CDS1: variants seen among roughly 807,000 people sequenced by gnomAD.
CDS1 encodes the protein phosphatidate cytidylyltransferase 1.
CDS1 carries 41 observed loss-of-function variants against 62.1 expected under a neutral mutation model. That is an observed-to-expected ratio of 0.66 (90% CI 0.51 to 0.86). CDS1 has a LOEUF of 0.86. CDS1 is among the 40% of genes least tolerant of loss of function. The pLI, the probability that CDS1 is intolerant of heterozygous loss-of-function variation, is 0.00. For missense variants in CDS1, 470 were observed against 550.1 expected (o/e 0.85, Z 1.46); for synonymous variants, 185 against 192.6 (o/e 0.96, Z 0.32).
At chr4:84,588,906 T>A (rs1380328208) in intron 1 of CDS1, among the ~76,000 whole-genome samples, 1 of 152,202 alleles carries the variant, frequency 6.6e-6, no homozygotes, top group Non-Finnish European at 1.5e-5. Flanking sequence ...ACTTGTGACC[T>A]TTTATTAGTT....
chr4:84,635,011 A>C (rs1417305096), intron 7 of CDS1, among the ~76,000 whole-genome samples: 1 of 151,724 alleles, frequency 6.6e-6, no homozygotes, highest in African/African-American at 2.4e-5. Flanking sequence ...TAACTGTAGA[A>C]ATCAATAATT....
At chr4:84,623,902 T>C (rs987357197) in intron 5 of CDS1, among the ~76,000 whole-genome samples, 1 of 152,008 alleles carries the variant, frequency 6.6e-6, no homozygotes. Context: ...GGCCCCTCCA[T>C]GTGGCTTGGA....
intron 1 of CDS1, among the ~76,000 whole-genome samples, chr4:84,587,347 A>G (rs1444562896): frequency 6.6e-6 from 1 of 152,202 alleles, no homozygotes. Flanking sequence ...GTCATTTCCT[A>G]TCACACTTCC....
intron 1 of CDS1, among the ~76,000 whole-genome samples, chr4:84,596,817 G>A (rs781383836): frequency 1.6e-4 from 24 of 152,144 alleles, no homozygotes; most frequent in Non-Finnish European, 2.8e-4. Context: ...ATAGGCACCA[G>A]TCAGGCAAAG....
chr4:84,594,324 G>T (rs909112686), intron 1 of CDS1, among the ~76,000 whole-genome samples: 1 of 152,118 alleles, frequency 6.6e-6, no homozygotes, highest in East Asian at 1.9e-4. Flanking sequence ...GAGGGTAAGG[G>T]GAGGAAATGC....
chr4:84,641,136 C>G, intron 10 of CDS1, 146 bp downstream of exon 10: 1 of 494,234 alleles, frequency 2.0e-6, no homozygotes, highest in Non-Finnish European at 3.1e-6. Flanking sequence ...AGTGTAGTGG[C>G]GTAATCTCAA....
At chr4:84,596,089 A>T (rs17375853) in intron 1 of CDS1, among the ~76,000 whole-genome samples, 1 of 152,116 alleles carries the variant, frequency 6.6e-6, no homozygotes, top group African/African-American at 2.4e-5. Context: ...GAGAGATGAC[A>T]GTCATAATTC....
Position 84,648,782 on chromosome 4 carries a change from A to T in CDS1, c.*96A>T. 8.1e-7 allele frequency: 1 copy of T among 1,241,034 alleles called. No homozygotes were observed. The highest frequency in any genetic ancestry group is 1.7e-5 in the South Asian group (1 of 57,426). The allele number at this position is 1,241,034 out of a possible 1,614,324, so 76.9% of individuals were successfully genotyped here. On this transcript the variant is annotated 3_prime_UTR_variant, in exon 13 of 13. Coordinates refer to ENST00000295887, the MANE Select transcript of CDS1 (RefSeq NM_001263.4). ...TGTACAGAAAAATAGTTAAAAATGC[A>T]ATAGGTTGAAGTTTTGGAGATATGT...
chr4:84,610,804 G>T (rs751379658), intron 3 of CDS1, among the ~76,000 whole-genome samples: 1 of 152,048 alleles, frequency 6.6e-6, no homozygotes, highest in South Asian at 2.1e-4. Context: ...TATAGCCTAG[G>T]ACCAATAGGC....
intron 1 of CDS1, among the ~76,000 whole-genome samples, chr4:84,585,048 A>C (rs1001680359): frequency 6.6e-6 from 1 of 152,238 alleles, no homozygotes; most frequent in Non-Finnish European, 1.5e-5. Flanking sequence ...GCTTTTGTTA[A>C]GAGAAAAGAT....
chr4:84,607,884 G>A (rs187764781), intron 2 of CDS1, among the ~76,000 whole-genome samples: 418 of 152,226 alleles, frequency 2.7e-3, no homozygotes, highest in African/African-American at 9.5e-3. Context: ...GAAAAACAGC[G>A]ACAATTCTAA....
chr4:84,648,044 G>A (rs754955387), intron 12 of CDS1, among the ~76,000 whole-genome samples: 21 of 152,182 alleles, frequency 1.4e-4, no homozygotes, highest in Non-Finnish European at 2.5e-4. Context: ...AGGGGCTTCA[G>A]TGCTAGGCTC....
At chr4:84,630,475 C>A (rs912634369) in intron 5 of CDS1, among the ~76,000 whole-genome samples, 2 of 152,138 alleles carry the variant, frequency 1.3e-5, no homozygotes, top group African/African-American at 4.8e-5. Flanking sequence ...CCAAAAGTAG[C>A]GAAAGGCAGC....
At chr4:84,611,701 C>A (rs926174790) in intron 3 of CDS1, among the ~76,000 whole-genome samples, 1 of 152,076 alleles carries the variant, frequency 6.6e-6, no homozygotes, top group African/African-American at 2.4e-5. Context: ...TCTTTTTCTG[C>A]TAATTTGCTA....
intron 5 of CDS1, among the ~76,000 whole-genome samples, chr4:84,624,277 A>T (rs927829273): frequency 7.4e-6 from 1 of 135,376 alleles, no homozygotes; most frequent in African/African-American, 3.0e-5. Context: ...CTGTCTCAAA[A>T]AAAAAAAAAC....
intron 1 of CDS1, among the ~76,000 whole-genome samples, chr4:84,596,654 C>T (rs1374374679): frequency 1.3e-5 from 2 of 152,106 alleles, no homozygotes; most frequent in Admixed American, 6.5e-5. Context: ...CTTAATTCTC[C>T]CTTGAATTGT....
At chr4:84,604,769 T>C (rs1723040629) in intron 2 of CDS1, among the ~76,000 whole-genome samples, 1 of 152,168 alleles carries the variant, frequency 6.6e-6, no homozygotes, top group Non-Finnish European at 1.5e-5. Flanking sequence ...GGTATTTTTT[T>C]CTTTTTTCTT....
At chr4:84,612,839 T>C (rs545561338) in intron 3 of CDS1, among the ~76,000 whole-genome samples, 19 of 151,684 alleles carry the variant, frequency 1.3e-4, no homozygotes, top group African/African-American at 4.6e-4. Flanking sequence ...AATACAAAAA[T>C]TAGCCGGGTG....
chr4:84,611,142 C>T (rs1164158610), intron 3 of CDS1, among the ~76,000 whole-genome samples: 1 of 152,106 alleles, frequency 6.6e-6, no homozygotes, highest in African/African-American at 2.4e-5. Flanking sequence ...TTTCTGTGGG[C>T]AAAAGCCCAG....
Sources: gnomAD v4.1 joint callset for allele counts (sites outside exome capture counted in the v4.1 genomes callset) on GRCh38, gnomAD v4.1.1 for gene constraint, MANE v1.5 for transcripts, NCBI Gene and HGNC (gene_info 2026-07-23, HGNC 2026-07-21) for gene names.